Variants in MSI2 observed in about 807,000 individuals in gnomAD.
MSI2 encodes the protein RNA-binding protein Musashi homolog 2.
Under a neutral mutation model 45.6 loss-of-function variants are expected in MSI2, and 17 were observed. The ratio of observed to expected loss-of-function variants is 0.37; its 90% CI spans 0.26 to 0.56. The LOEUF (loss-of-function observed/expected upper bound fraction) is 0.56. Ranked by LOEUF, MSI2 falls within the 20% of genes least tolerant of loss-of-function variation. The pLI is 0.77. For synonymous variants in MSI2, 156 were observed against 158.2 expected (o/e 0.99, Z 0.11); for missense variants, 293 against 444.2 (o/e 0.66, Z 3.06).
chr17:57,338,644 G>A (rs1455431087), intron 5 of MSI2, among the ~76,000 whole-genome samples: 1 of 152,174 alleles, frequency 6.6e-6, no homozygotes, highest in African/African-American at 2.4e-5. Context: ...TTAATTCACT[G>A]ACCCGGGGAG....
intron 7 of MSI2, among the ~76,000 whole-genome samples, chr17:57,550,809 G>A (rs573815174): frequency 2.0e-5 from 3 of 152,198 alleles, no homozygotes; most frequent in South Asian, 2.1e-4. Context: ...AGACCAACAC[G>A]CATAGGCACA....
At chr17:57,268,249 C>T (rs1907998749) in intron 5 of MSI2, 1 of 152,168 alleles carries the variant, frequency 6.6e-6, no homozygotes, top group Non-Finnish European at 1.5e-5. Context: ...TGACAAAGTT[C>T]CTGCTGTCAC....
At position 57,458,336 on chromosome 17, in the gene MSI2, G is replaced by A. The variant is rs185904762; in HGVS notation, c.405+56865G>A. Among the ~76,000 whole-genome samples the A allele has an allele frequency of 8.7e-4, 133 of 152,186 alleles. 2 individuals carry two copies. The highest frequency in any genetic ancestry group is 6.0e-3 in the Admixed American group (91 of 15,282). The stretch of plus-strand genomic sequence containing the variant: ...AGGATGGTCTCGATCTCTTGACCTC[G>A]TGATCCACCCGCCTTGGCCTCCCAA... On this transcript the variant is annotated intron_variant, in intron 6 of 13. Coordinates refer to ENST00000284073, the MANE Select transcript of MSI2 (RefSeq NM_138962.4).
rs182899322 is a variant in MSI2, at chr17:57,283,631, C to T, written c.312+21439C>T. The stretch of plus-strand genomic sequence containing the variant: ...GAAACAATACTGAAATGATAACACA[C>T]AACAAAAAACAAACAAACAAAAAAA... On this transcript the variant is annotated intron_variant, in intron 5 of 13. Transcript: ENST00000284073. Among the ~76,000 whole-genome samples, 420 of 152,248 alleles carry T rather than the reference C, an allele frequency of 2.8e-3. 1 individual carries two copies. Among genetic ancestry groups the T allele is most frequent in the Non-Finnish European group, 4.8e-3 (327 of 68,004 alleles).
intron 6 of MSI2, among the ~76,000 whole-genome samples, chr17:57,427,898 T>A (rs555717769): frequency 6.6e-6 from 1 of 152,278 alleles, no homozygotes; most frequent in East Asian, 1.9e-4. Context: ...GACAACTCTT[T>A]CCCTTTCCCA....
At chr17:57,453,456 G>C (rs1167013875) in intron 6 of MSI2, among the ~76,000 whole-genome samples, 1 of 152,168 alleles carries the variant, frequency 6.6e-6, no homozygotes, top group Non-Finnish European at 1.5e-5. Context: ...ATTTGGGGTT[G>C]AGCCATATCC....
At chr17:57,271,162 T>C (rs978381308) in intron 5 of MSI2, among the ~76,000 whole-genome samples, 1 of 152,178 alleles carries the variant, frequency 6.6e-6, no homozygotes, top group Non-Finnish European at 1.5e-5. Flanking sequence ...ATGACTGATC[T>C]GAAAGCATCA....
chr17:57,283,193 A>G (rs187651118), intron 5 of MSI2, among the ~76,000 whole-genome samples: 8 of 151,684 alleles, frequency 5.3e-5, no homozygotes, highest in African/African-American at 1.9e-4. Flanking sequence ...TCCCTTTCAA[A>G]CTCACCGGGA....
chr17:57,574,646 C>T (rs926175446), intron 7 of MSI2, among the ~76,000 whole-genome samples: 1 of 152,160 alleles, frequency 6.6e-6, no homozygotes, highest in African/African-American at 2.4e-5. Context: ...AGCCTTTAGG[C>T]GCAGCAGTAG....
At chr17:57,349,019 C>T (rs963035363) in intron 5 of MSI2, among the ~76,000 whole-genome samples, 1 of 152,148 alleles carries the variant, frequency 6.6e-6, no homozygotes, top group Non-Finnish European at 1.5e-5. Flanking sequence ...CAAGTCCTGG[C>T]CAGTAGACTA....
At chr17:57,351,178 G>A (rs1231817934) in intron 5 of MSI2, among the ~76,000 whole-genome samples, 1 of 152,056 alleles carries the variant, frequency 6.6e-6, no homozygotes, top group African/African-American at 2.4e-5. Context: ...ACCATTCTAG[G>A]GAGGTCAGTC....
At chr17:57,470,363 C>T (rs965106356) in intron 6 of MSI2, among the ~76,000 whole-genome samples, 1 of 152,096 alleles carries the variant, frequency 6.6e-6, no homozygotes, top group Admixed American at 6.5e-5. Flanking sequence ...CTGCAGCCTC[C>T]ACCTCCTGGG....
At chr17:57,693,976 A>T in the MSI2 span, among the ~76,000 whole-genome samples, 1 of 152,248 alleles carries the variant, frequency 6.6e-6, no homozygotes, top group Non-Finnish European at 1.5e-5. Flanking sequence ...AATAGTAATT[A>T]TACAACATAA....
chr17:57,697,150 A>ACACACATACACACACACT, the MSI2 span, among the ~76,000 whole-genome samples: 5 of 150,666 alleles, frequency 3.3e-5, no homozygotes, highest in African/African-American at 9.8e-5. Flanking sequence ...CAGGACACAC[A>ACACACATACACACACACT]CACACACACA....
rs1555607233 is a variant in MSI2 at position 57,450,270 on chromosome 17, A to AGAAAGAAAGAAG, written c.405+48810_405+48811insGGAAAGAAAGAA. The stretch of plus-strand genomic sequence containing the variant: ...TTCCCCAGCTTAAAGAAAGAAAGAA[A>AGAAAGAAAGAAG]GAAAGAAAGAAAGAAAGAAAGAAAG... On this transcript the variant is annotated intron_variant, in intron 6 of 13. Coordinates refer to ENST00000284073, the MANE Select transcript of MSI2 (RefSeq NM_138962.4). 96 of 101,152 alleles carry AGAAAGAAAGAAG rather than the reference A, an allele frequency of 9.5e-4. 3 individuals carry two copies. Among genetic ancestry groups the AGAAAGAAAGAAG allele is most frequent in the Middle Eastern group, 5.2e-3 (1 of 192 alleles). 6.3% of individuals were successfully genotyped at this position (101,152 alleles called of 1,614,324 possible). A position where few individuals can be genotyped will look rare whatever the true frequency, so the allele number is the denominator to read the frequency against.
intron 6 of MSI2, among the ~76,000 whole-genome samples, chr17:57,438,182 G>C (rs1296829042): frequency 6.6e-6 from 1 of 152,178 alleles, no homozygotes; most frequent in African/African-American, 2.4e-5. Context: ...GTGCCTGGCT[G>C]GGGACGTGCC....
At chr17:57,635,706 G>A (rs926958352) in intron 10 of MSI2, among the ~76,000 whole-genome samples, 5 of 152,232 alleles carry the variant, frequency 3.3e-5, no homozygotes, top group African/African-American at 1.2e-4. Flanking sequence ...TTGAACTCTG[G>A]TTATAAAAGT....
At chr17:57,335,657 G>C (rs1567764264) in intron 5 of MSI2, among the ~76,000 whole-genome samples, 1 of 152,226 alleles carries the variant, frequency 6.6e-6, no homozygotes, top group Non-Finnish European at 1.5e-5. Flanking sequence ...TGAGATGTGT[G>C]TATAGTAGTC....
intron 5 of MSI2, among the ~76,000 whole-genome samples, chr17:57,334,390 G>T (rs888418418): frequency 1.3e-5 from 2 of 152,140 alleles, no homozygotes; most frequent in Non-Finnish European, 2.9e-5. Context: ...GCTGTCTGAG[G>T]CACTGCTGAA....
Sources: allele counts gnomAD v4.1 joint callset (sites outside exome capture counted in the v4.1 genomes callset), GRCh38; gene constraint gnomAD v4.1.1; transcripts MANE v1.5; gene names NCBI Gene and HGNC (gene_info 2026-07-23, HGNC 2026-07-21).